The following PIK3CB variants were observed in gnomAD, a reference collection of about 807,000 sequenced individuals.
The protein encoded by PIK3CB is phosphatidylinositol-4,5-bisphosphate 3-kinase catalytic subunit beta, also known as phosphatidylinositol 4,5-bisphosphate 3-kinase catalytic subunit beta isoform.
Under a neutral mutation model 136.8 loss-of-function variants are expected in PIK3CB, and 39 were observed. The ratio of observed to expected loss-of-function variants is 0.29; its 90% CI spans 0.22 to 0.37. The LOEUF is 0.37. Ranked by LOEUF, PIK3CB falls within the 10% of genes least tolerant of loss-of-function variation. PIK3CB has a pLI of 1.00. For missense variants in PIK3CB, 868 were observed against 1,275.4 expected, an observed-to-expected ratio of 0.68 and a Z score of 4.87; for synonymous variants, 428 against 436.6, an observed-to-expected ratio of 0.98 and a Z score of 0.25.
At position 138,653,478 on chromosome 3, in the gene PIK3CB, G is replaced by A; in HGVS notation, c.*1911C>T. On this transcript the variant is annotated 3_prime_UTR_variant, in exon 24 of 24. Coordinates refer to ENST00000674063, the MANE Select transcript of PIK3CB (RefSeq NM_006219.3). ...CCTTTTGGCTGAGGAGACCCCTCTG[G>A]AAAGAATGGTATCCATTTCTTCCTG... is the stretch of plus-strand genomic sequence containing the variant. 1 of 178,782 alleles carries A rather than the reference G, an allele frequency of 5.6e-6. No individual in the cohort carries two copies. The highest frequency in any genetic ancestry group is 9.3e-5 in the East Asian group (1 of 10,744). The allele number at this position is 178,782 out of a possible 1,614,324, so 11.1% of individuals were successfully genotyped here.
At chr3:138,788,122 C>T (rs1249094002) in intron 2 of PIK3CB, among the ~76,000 whole-genome samples, 1 of 151,228 alleles carries the variant, frequency 6.6e-6, no homozygotes, top group East Asian at 2.0e-4. Flanking sequence ...GGGGTTTTGC[C>T]ATGTTGGCCA....
chr3:138,757,681 GGAGGGAGGGAGGAAGA>G lies in PIK3CB; in HGVS notation c.171+1476_171+1491del, dbSNP rs771244217. 4.5e-3 allele frequency among the ~76,000 whole-genome samples: 635 copies of G among 140,060 alleles called. 7 individuals carry two copies. The highest frequency in any genetic ancestry group is 0.014 in the African/African-American group (477 of 35,152). 91.9% of individuals were successfully genotyped at this position (140,060 alleles called of 152,430 possible). On this transcript the variant is annotated intron_variant, in intron 3 of 23. Transcript: ENST00000674063. ...GGAAGGAGGGGAGGTAGGAAAAGAG[GGAGGGAGGGAGGAAGA>G]GAGGGAGGGAGGAAGAGAGGGAGGG...
intron 2 of PIK3CB, among the ~76,000 whole-genome samples, chr3:138,775,607 T>C (rs1431865713): frequency 6.6e-6 from 1 of 152,142 alleles, no homozygotes; most frequent in Non-Finnish European, 1.5e-5. Flanking sequence ...CTATGTCATC[T>C]AAAAAGTTGA....
intron 2 of PIK3CB, among the ~76,000 whole-genome samples, chr3:138,761,955 A>G (rs2045668785): frequency 6.8e-6 from 1 of 147,322 alleles, no homozygotes. Flanking sequence ...AAAAAAACCA[A>G]CTATCTTTGG....
chr3:138,664,007 C>T lies in PIK3CB; in HGVS notation c.2695G>A (p.Glu899Lys), dbSNP rs774423662. The T allele has an allele frequency of 6.2e-7, 1 of 1,613,778 alleles. No homozygotes were observed. The highest frequency in any genetic ancestry group is 8.5e-7 in the Non-Finnish European group (1 of 1,179,960). Residue 899 changes from glutamate (E) to lysine (K), a missense_variant, in exon 21 of 24, where the codon GAG becomes AAG. Around this residue, in one of 4 missense-constraint regions of PIK3CB, gnomAD observed 165 missense variants for 295.4 expected, o/e 0.56. Coordinates refer to ENST00000674063, the MANE Select transcript of PIK3CB (RefSeq NM_006219.3). ...NSGDDLDRAI[E>K]EFTLSCAGYC... Reference sequence around the variant, plus strand: ...CCAGCACAGGACAGTGTAAATTCCTCAATGGCTCGGTCCAGGTCATCCCTG... The same window carrying T: ...CCAGCACAGGACAGTGTAAATTCCTTAATGGCTCGGTCCAGGTCATCCCTG...
At chr3:138,754,325 C>T (rs528495925) in intron 4 of PIK3CB, among the ~76,000 whole-genome samples, 4 of 151,984 alleles carry the variant, frequency 2.6e-5, no homozygotes, top group South Asian at 2.1e-4. Flanking sequence ...GTAGTCCCAG[C>T]TACTTAGGAC....
At chr3:138,770,853 A>C (rs1235868546) in intron 2 of PIK3CB, among the ~76,000 whole-genome samples, 1 of 151,572 alleles carries the variant, frequency 6.6e-6, no homozygotes. Flanking sequence ...CTGGTATTAC[A>C]GGCACCTGCC....
At chr3:138,702,181 C>A (rs557464011) in intron 12 of PIK3CB, among the ~76,000 whole-genome samples, 4 of 151,512 alleles carry the variant, frequency 2.6e-5, no homozygotes, top group Admixed American at 6.6e-5. Flanking sequence ...AAGCTATCCT[C>A]CCACCTCAGC....
chr3:138,740,158 G>C (rs950328348), intron 5 of PIK3CB, among the ~76,000 whole-genome samples: 1 of 151,888 alleles, frequency 6.6e-6, no homozygotes, highest in African/African-American at 2.4e-5. Flanking sequence ...AGGAGTTCAA[G>C]ACCAGCCTGG....
In PIK3CB at chr3:138,672,226, T is replaced by C. The variant is rs529527323; in HGVS notation, c.2505-7023A>G. On this transcript the variant is annotated intron_variant, in intron 19 of 23. Transcript: ENST00000674063. ...ATATCTTTTCATTGATCAGATGATG[T>C]GGCATGAAAGTTTCCCATCTACCCC... Among the ~76,000 whole-genome samples the C allele has an allele frequency of 1.2e-3, 175 of 152,144 alleles. 1 individual carries two copies. The highest frequency in any genetic ancestry group is 4.1e-3 in the African/African-American group (172 of 41,508).
At chr3:138,704,588 C>G in intron 11 of PIK3CB, 95 bp from the exon 12 acceptor site, 1 of 798,904 alleles carries the variant, frequency 1.3e-6, no homozygotes, top group Non-Finnish European at 2.2e-6. Flanking sequence ...TACATAAGAT[C>G]TGGCATTGCT....
At chr3:138,674,255 A>G (rs2043599648) in intron 19 of PIK3CB, among the ~76,000 whole-genome samples, 1 of 152,024 alleles carries the variant, frequency 6.6e-6, no homozygotes, top group Non-Finnish European at 1.5e-5. Context: ...GCTCTCAACT[A>G]TGGCTAACTT....
At chr3:138,826,665 C>A (rs1010469652) in intron 1 of PIK3CB, among the ~76,000 whole-genome samples, 2 of 151,416 alleles carry the variant, frequency 1.3e-5, no homozygotes, top group Non-Finnish European at 2.9e-5. Context: ...TAACTCTAAA[C>A]CAAATAGTTC....
At chr3:138,795,145 C>G (rs941042370) in intron 2 of PIK3CB, among the ~76,000 whole-genome samples, 4 of 151,546 alleles carry the variant, frequency 2.6e-5, no homozygotes, top group African/African-American at 9.7e-5. Context: ...CATGGTAAAA[C>G]CCCGTCTCTA....
chr3:138,743,555 T>C (rs2045286831), intron 4 of PIK3CB, among the ~76,000 whole-genome samples: 1 of 151,998 alleles, frequency 6.6e-6, no homozygotes, highest in Non-Finnish European at 1.5e-5. Context: ...ACATATAACA[T>C]TCATTCATTC....
chr3:138,774,504 T>C (rs918988481), intron 2 of PIK3CB, among the ~76,000 whole-genome samples: 1 of 152,258 alleles, frequency 6.6e-6, no homozygotes, highest in African/African-American at 2.4e-5. Context: ...ATAGACTAAC[T>C]GAGGTGGGTG....
intron 4 of PIK3CB, among the ~76,000 whole-genome samples, chr3:138,751,415 G>A (rs1296970031): frequency 1.3e-5 from 2 of 151,220 alleles, no homozygotes; most frequent in East Asian, 1.9e-4. Context: ...CCGAGATGGC[G>A]CCACTGCACT....
At chr3:138,716,215 C>CTAA (rs1446565286) in intron 8 of PIK3CB, among the ~76,000 whole-genome samples, 4 of 152,110 alleles carry the variant, frequency 2.6e-5, no homozygotes, top group Non-Finnish European at 5.9e-5. Flanking sequence ...AACACATGAC[C>CTAA]TAATTCCCTT....
intron 2 of PIK3CB, among the ~76,000 whole-genome samples, chr3:138,788,725 G>A (rs2046011352): frequency 6.7e-6 from 1 of 149,632 alleles, no homozygotes; most frequent in South Asian, 2.1e-4. Context: ...CACTTTGGGA[G>A]GCCAAGGCGG....
Sources: allele counts gnomAD v4.1 joint callset (sites outside exome capture counted in the v4.1 genomes callset), GRCh38; gene constraint gnomAD v4.1.1; regional missense constraint gnomAD v4.1.1; transcripts MANE v1.5; gene names NCBI Gene and HGNC (gene_info 2026-07-23, HGNC 2026-07-21).